Variants in ELMO1 observed in about 807,000 individuals in gnomAD.
ELMO1 encodes the protein engulfment and cell motility 1.
Under a neutral mutation model 98.9 loss-of-function variants are expected in ELMO1, and 26 were observed. The ratio of observed to expected loss-of-function variants is 0.26; its 90% CI spans 0.19 to 0.36. ELMO1 has a LOEUF of 0.36. Among genes scored for constraint, ELMO1 ranks in the 10% least tolerant of loss-of-function variants. ELMO1 has a pLI of 1.00. For synonymous variants in ELMO1, 346 were observed against 346.0 expected, an observed-to-expected ratio of 1.00 and a Z score of 0.00; for missense variants, 627 against 935.2, an observed-to-expected ratio of 0.67 and a Z score of 4.30.
intron 15 of ELMO1, among the ~76,000 whole-genome samples, chr7:37,045,091 C>T (rs1395176606): frequency 6.6e-6 from 1 of 152,162 alleles, no homozygotes; most frequent in South Asian, 2.1e-4. Flanking sequence ...CTTTTACACA[C>T]AGACGCATAC....
chr7:37,086,330 C>CTGTGTGTG (rs58906590), intron 15 of ELMO1, among the ~76,000 whole-genome samples: 2,635 of 143,152 alleles, frequency 0.018, 51 homozygotes, highest in African/African-American at 0.05. Flanking sequence ...CAATACATGA[C>CTGTGTGTG]TGTGTGTGTG....
At chr7:37,268,987 T>C (rs1584897022) in intron 5 of ELMO1, among the ~76,000 whole-genome samples, 5 of 152,250 alleles carry the variant, frequency 3.3e-5, no homozygotes, top group African/African-American at 7.2e-5. Flanking sequence ...GATGTCCTTA[T>C]TTGGCTTCAG....
At chr7:37,097,006 A>G (rs1170413771) in intron 14 of ELMO1, among the ~76,000 whole-genome samples, 1 of 152,184 alleles carries the variant, frequency 6.6e-6, no homozygotes, top group Non-Finnish European at 1.5e-5. Flanking sequence ...TTGGAATAGT[A>G]CAATAAAGAC....
intron 15 of ELMO1, among the ~76,000 whole-genome samples, chr7:37,080,564 A>G (rs936419436): frequency 1.3e-5 from 2 of 149,238 alleles, no homozygotes; most frequent in African/African-American, 5.0e-5. Context: ...CAGCATCCCA[A>G]GTAGCTGGGA....
At chr7:37,101,060 C>G (rs1784612052) in intron 14 of ELMO1, among the ~76,000 whole-genome samples, 1 of 152,210 alleles carries the variant, frequency 6.6e-6, no homozygotes, top group Non-Finnish European at 1.5e-5. Flanking sequence ...TGGCCCATGG[C>G]CAACATTTCA....
intron 16 of ELMO1, among the ~76,000 whole-genome samples, chr7:36,911,816 T>C (rs1784363924): frequency 6.6e-6 from 1 of 152,162 alleles, no homozygotes; most frequent in East Asian, 1.9e-4. Flanking sequence ...CTCTCAGCTA[T>C]TTGTCTTTAG....
intron 4 of ELMO1, among the ~76,000 whole-genome samples, chr7:37,305,467 T>TGTGC (rs1390547954): frequency 6.6e-6 from 1 of 152,024 alleles, no homozygotes. Context: ...TGTGTGTGTG[T>TGTGC]GTATGTGCAT....
chr7:36,899,682 A>ATTTTTTTTTTTTTTTTTTTTTT (rs1178774148), intron 16 of ELMO1, among the ~76,000 whole-genome samples: 1 of 5,392 alleles, frequency 1.9e-4, no homozygotes, highest in African/African-American at 5.8e-4. Flanking sequence ...ATCTTTACTC[A>ATTTTTTTTTTTTTTTTTTTTTT]TCTTTTTTTT....
chr7:37,394,532 G>A (rs946286195), intron 1 of ELMO1, among the ~76,000 whole-genome samples: 1 of 152,198 alleles, frequency 6.6e-6, no homozygotes, highest in Non-Finnish European at 1.5e-5. Context: ...TCTGCAGAAG[G>A]AGAATAATTG....
intron 13 of ELMO1, among the ~76,000 whole-genome samples, chr7:37,179,352 A>G (rs1422186227): frequency 6.9e-6 from 1 of 145,082 alleles, no homozygotes. Flanking sequence ...ATCTTGGCTC[A>G]CTGCAACCTC....
intron 13 of ELMO1, chr7:37,204,034 G>A (rs1584804282): frequency 2.2e-6 from 1 of 450,602 alleles, no homozygotes; most frequent in Non-Finnish European, 4.5e-6. Flanking sequence ...GCCAACAGGT[G>A]CCCAGTATTT....
chr7:37,025,450 G>T (rs1229946816), intron 15 of ELMO1, among the ~76,000 whole-genome samples: 2 of 152,192 alleles, frequency 1.3e-5, no homozygotes, highest in African/African-American at 4.8e-5. Flanking sequence ...GTTTGTGAGG[G>T]TATTCCCAGT....
chr7:37,082,052 T>C (rs1242437297), intron 15 of ELMO1, among the ~76,000 whole-genome samples: 4 of 152,250 alleles, frequency 2.6e-5, no homozygotes, highest in Non-Finnish European at 2.9e-5. Flanking sequence ...GCTATGCTTC[T>C]TGGGGATAGG....
At chr7:37,303,550 C>T (rs2131034951) in intron 4 of ELMO1, among the ~76,000 whole-genome samples, 1 of 152,270 alleles carries the variant, frequency 6.6e-6, no homozygotes, top group South Asian at 2.1e-4. Context: ...ATAAGAATCA[C>T]AGAGCCATTC....
intron 13 of ELMO1, among the ~76,000 whole-genome samples, chr7:37,148,433 A>G (rs1343628197): frequency 1.3e-5 from 2 of 152,236 alleles, no homozygotes; most frequent in Non-Finnish European, 2.9e-5. Context: ...ACTGCCAGGT[A>G]TGTAATTCAT....
intron 8 of ELMO1, among the ~76,000 whole-genome samples, chr7:37,229,610 G>A (rs766173019): frequency 6.6e-6 from 1 of 152,072 alleles, no homozygotes; most frequent in Non-Finnish European, 1.5e-5. Context: ...GTCGATTTTT[G>A]TTGAGATAAA....
intron 14 of ELMO1, among the ~76,000 whole-genome samples, chr7:37,098,212 A>C (rs773601579): frequency 8.5e-5 from 13 of 152,168 alleles, no homozygotes; most frequent in Non-Finnish European, 1.6e-4. Context: ...CTTCAGTGGC[A>C]GGGACAGGTG....
At chr7:37,200,305 T>C (rs954578387) in intron 13 of ELMO1, among the ~76,000 whole-genome samples, 4 of 148,908 alleles carry the variant, frequency 2.7e-5, no homozygotes, top group Admixed American at 1.4e-4. Flanking sequence ...AGTCTTGAAC[T>C]CCTGGCCTCA....
chr7:36,937,451 G>A (rs77002922), intron 16 of ELMO1, among the ~76,000 whole-genome samples: 118 of 152,332 alleles, frequency 7.7e-4, no homozygotes, highest in African/African-American at 2.7e-3. Context: ...GCAAGGCCCT[G>A]TGAGCCATGC....
Sources: gnomAD v4.1 joint callset for allele counts (sites outside exome capture counted in the v4.1 genomes callset) on GRCh38, gnomAD v4.1.1 for gene constraint, MANE v1.5 for transcripts, NCBI Gene and HGNC (gene_info 2026-07-23, HGNC 2026-07-21) for gene names.